The following ROBO2 variants were observed in gnomAD, a reference collection of about 807,000 sequenced individuals.
ROBO2 encodes roundabout guidance receptor 2.
ROBO2 carries 53 observed loss-of-function variants against 160.8 expected under a neutral mutation model. The ratio of observed to expected loss-of-function variants is 0.33; its 90% confidence interval spans 0.26 to 0.41. ROBO2 has a LOEUF of 0.41. ROBO2 is among the 10% of genes least tolerant of loss of function. The pLI is 1.00. For synonymous variants in ROBO2, 664 were observed against 611.7 expected (o/e 1.09, Z -1.26); for missense variants, 1,577 against 1,722.4 (o/e 0.92, Z 1.49).
intron 2 of ROBO2, among the ~76,000 whole-genome samples, chr3:77,277,158 T>TTCTTTC (rs1196554570): frequency 2.5e-4 from 11 of 44,316 alleles, no homozygotes; most frequent in African/African-American, 1.2e-3. Flanking sequence ...CCTTCTTTCC[T>TTCTTTC]TCTTTCTTTC....
chr3:76,594,067 A>G (rs995594648), intron 2 of ROBO2, among the ~76,000 whole-genome samples: 13 of 152,090 alleles, frequency 8.5e-5, no homozygotes, highest in Non-Finnish European at 1.5e-4. Flanking sequence ...AAGCAGTATC[A>G]TAGTTTAATT....
intron 2 of ROBO2, among the ~76,000 whole-genome samples, chr3:76,442,736 G>C (rs534186856): frequency 6.6e-6 from 1 of 152,126 alleles, no homozygotes; most frequent in Admixed American, 6.6e-5. Context: ...CCTTTGTCCA[G>C]TATAGCCACA....
At chr3:77,228,855 C>T (rs1465849647) in intron 2 of ROBO2, among the ~76,000 whole-genome samples, 1 of 152,150 alleles carries the variant, frequency 6.6e-6, no homozygotes, top group Admixed American at 6.5e-5. Context: ...TGCTGAAATG[C>T]TCAAGTCCAG....
rs367922773 is a variant in ROBO2, at chr3:76,040,087, A to C, written c.109+102485A>C. Among the ~76,000 whole-genome samples, 71 of 152,126 alleles carry C rather than the reference A, an allele frequency of 4.7e-4. No homozygotes were observed. In the South Asian group the frequency reaches 0.014, roughly 31 times the overall value. ...GCTCATTTTTAACATTTGCTATTCA[A>C]TTTATAGATTTATAAGTGTAGTTCA... On this transcript the variant is annotated intron_variant, in intron 2 of 26. Transcript: ENST00000487694.
chr3:77,571,498 C>A (rs1465904357), intron 13 of ROBO2, among the ~76,000 whole-genome samples: 2 of 152,036 alleles, frequency 1.3e-5, no homozygotes, highest in African/African-American at 2.4e-5. Flanking sequence ...ATTATGTGAG[C>A]AAATTAAGTA....
At chr3:77,159,853 T>G (rs1234749750) in intron 2 of ROBO2, among the ~76,000 whole-genome samples, 4 of 152,140 alleles carry the variant, frequency 2.6e-5, no homozygotes, top group Non-Finnish European at 5.9e-5. Flanking sequence ...CAAAGTATAT[T>G]TCAAATTCCT....
intron 2 of ROBO2, among the ~76,000 whole-genome samples, chr3:76,697,864 T>C (rs868784607): frequency 4.7e-4 from 72 of 152,212 alleles, no homozygotes; most frequent in African/African-American, 1.6e-3. Flanking sequence ...GAGGGAACTG[T>C]GATAGTCTAC....
chr3:77,507,991 A>G (rs577701338), intron 5 of ROBO2, among the ~76,000 whole-genome samples: 9 of 152,132 alleles, frequency 5.9e-5, no homozygotes, highest in African/African-American at 2.2e-4. Flanking sequence ...TATTAAGGAC[A>G]ATAATGAAAA....
At chr3:77,010,858 C>CTCCT (rs2061848631) in intron 2 of ROBO2, among the ~76,000 whole-genome samples, 1 of 125,262 alleles carries the variant, frequency 8.0e-6, no homozygotes, top group African/African-American at 2.9e-5. Flanking sequence ...CCCTCTCTCC[C>CTCCT]TCCCTCCCTA....
chr3:77,630,027 G>T (rs1583395160), intron 23 of ROBO2: 1 of 152,212 alleles, frequency 6.6e-6, no homozygotes, highest in Admixed American at 6.5e-5. Context: ...AGGAGGTAGA[G>T]AGATTGATTC....
intron 2 of ROBO2, among the ~76,000 whole-genome samples, chr3:76,742,179 G>C (rs2093813059): frequency 6.6e-6 from 1 of 152,164 alleles, no homozygotes; most frequent in African/African-American, 2.4e-5. Flanking sequence ...CAACAGAGAT[G>C]CTATATACAA....
chr3:76,610,893 C>A (rs1026750024), intron 2 of ROBO2, among the ~76,000 whole-genome samples: 2 of 152,156 alleles, frequency 1.3e-5, no homozygotes, highest in Non-Finnish European at 2.9e-5. Context: ...GTCCTGAGAC[C>A]AAGAGGAATA....
At chr3:75,942,640 C>T (rs955020562) in intron 2 of ROBO2, among the ~76,000 whole-genome samples, 3 of 152,088 alleles carry the variant, frequency 2.0e-5, no homozygotes, top group Non-Finnish European at 2.9e-5. Flanking sequence ...CATTTGAAAT[C>T]CTAGCAGTCA....
chr3:76,705,459 C>A (rs1439595377), intron 2 of ROBO2, among the ~76,000 whole-genome samples: 1 of 151,926 alleles, frequency 6.6e-6, no homozygotes, highest in East Asian at 1.9e-4. Flanking sequence ...AGTGTACATT[C>A]AAGAAAGAAG....
intron 2 of ROBO2, among the ~76,000 whole-genome samples, chr3:76,840,672 TATAA>T (rs1228748817): frequency 4.3e-4 from 56 of 130,818 alleles, no homozygotes; most frequent in African/African-American, 1.3e-3. Context: ...TATATATATA[TATAA>T]GATGAAGTAA....
intron 2 of ROBO2, among the ~76,000 whole-genome samples, chr3:76,712,914 G>T (rs28537439): frequency 0.014 from 2,054 of 152,070 alleles, 39 homozygotes; most frequent in African/African-American, 0.039. Flanking sequence ...TAAAATAAAT[G>T]ATCATTGGAT....
intron 2 of ROBO2, among the ~76,000 whole-genome samples, chr3:77,404,483 G>C (rs777771082): frequency 3.3e-5 from 5 of 152,124 alleles, no homozygotes; most frequent in Non-Finnish European, 7.4e-5. Flanking sequence ...ATAAAGGTCA[G>C]CAGTATGGCA....
intron 2 of ROBO2, among the ~76,000 whole-genome samples, chr3:76,872,631 T>A (rs1205512084): frequency 1.3e-5 from 2 of 152,078 alleles, no homozygotes; most frequent in Non-Finnish European, 2.9e-5. Context: ...ACAAACTGTG[T>A]AAGCTTTGGT....
chr3:77,127,435 A>G (rs2075443572), intron 2 of ROBO2, among the ~76,000 whole-genome samples: 1 of 152,146 alleles, frequency 6.6e-6, no homozygotes, highest in Non-Finnish European at 1.5e-5. Context: ...ATCTTTCACC[A>G]TGAATCCTTT....
Sources: allele counts gnomAD v4.1 joint callset (sites outside exome capture counted in the v4.1 genomes callset), GRCh38; gene constraint gnomAD v4.1.1; transcripts MANE v1.5; gene names NCBI Gene and HGNC (gene_info 2026-07-23, HGNC 2026-07-21).